Variants in POLR3A observed in about 807,000 individuals in gnomAD.
The protein encoded by POLR3A is DNA-directed RNA polymerase III subunit RPC1.
A neutral mutation model predicts 152.8 loss-of-function variants in POLR3A; 112 were observed. The observed-to-expected ratio is 0.73, with a 90% CI of 0.63 to 0.86. The LOEUF is 0.86. Among genes scored for constraint, POLR3A ranks in the 40% least tolerant of loss-of-function variants. The pLI is 0.00. For missense variants in POLR3A, 1,385 were observed against 1,743.1 expected (o/e 0.79, Z 3.66); for synonymous variants, 615 against 652.1 (o/e 0.94, Z 0.87).
chr10:77,984,168 G>A (rs537653222), intron 25 of POLR3A, 37 bp downstream of exon 25: 1 of 1,393,094 alleles, frequency 7.2e-7, no homozygotes, highest in Non-Finnish European at 1.0e-6. Context: ...ACATTGCTGA[G>A]CTAGTTTTCT....
chr10:78,008,935 T>C (rs889502475), intron 14 of POLR3A, among the ~76,000 whole-genome samples: 3 of 151,280 alleles, frequency 2.0e-5, no homozygotes, highest in African/African-American at 7.3e-5. Context: ...GGCAGATCAC[T>C]TGAGGTCAGG....
rs576637829 is a variant in POLR3A, at chr10:77,975,251, T to G, written c.*2227A>C. The G allele has an allele frequency of 3.3e-5, 5 of 152,336 alleles. No individual in the cohort carries two copies. The highest frequency in any genetic ancestry group is 1.2e-4 in the African/African-American group (5 of 41,566). The allele number at this position is 152,336 out of a possible 1,614,324, so 9.4% of individuals were successfully genotyped here. A position where few individuals can be genotyped will look rare whatever the true frequency, so the allele number is the denominator to read the frequency against. On this transcript the variant is annotated 3_prime_UTR_variant, in exon 31 of 31. Transcript: ENST00000372371. ...CTTGAGGATGTGCTGCTACCTGGCC[T>G]TTGAGCTCTGTGCTGGCATAAAGCC... is the stretch of plus-strand genomic sequence containing the variant.
chr10:78,011,888 T>A (rs904813824), intron 11 of POLR3A, among the ~76,000 whole-genome samples: 5 of 152,198 alleles, frequency 3.3e-5, no homozygotes, highest in African/African-American at 1.2e-4. Context: ...GGAGACTTTG[T>A]TTTATTATTG....
At position 77,977,257 on chromosome 10, in the gene POLR3A, C is replaced by G. The variant is rs939568896; in HGVS notation, c.*221G>C. On this transcript the variant is annotated 3_prime_UTR_variant, in exon 31 of 31. Coordinates refer to ENST00000372371, the MANE Select transcript of POLR3A (RefSeq NM_007055.4). ...GGTTTCAAGCAAGCAAACAATAAAA[C>G]CCTCAGCTCTCCCGAGCAGCGTGGC... The G allele has an allele frequency of 6.9e-6, 4 of 577,070 alleles. No homozygotes were observed. The highest frequency in any genetic ancestry group is 6.0e-5 in the East Asian group (2 of 33,236). The allele number at this position is 577,070 out of a possible 1,614,324, so 35.7% of individuals were successfully genotyped here. A position where few individuals can be genotyped will look rare whatever the true frequency, so the allele number is the denominator to read the frequency against.
chr10:77,987,365 A>T (rs1424501446), intron 21 of POLR3A, among the ~76,000 whole-genome samples: 1 of 151,926 alleles, frequency 6.6e-6, no homozygotes, highest in African/African-American at 2.4e-5. Flanking sequence ...CTTGAATGGC[A>T]CTCTGGCCAA....
intron 8 of POLR3A, among the ~76,000 whole-genome samples, chr10:78,021,073 T>G (rs1366727647): frequency 6.6e-6 from 1 of 152,168 alleles, no homozygotes; most frequent in East Asian, 1.9e-4. Flanking sequence ...CAAGCAATCC[T>G]TCCACCTCAG....
At chr10:78,021,769 G>C (rs1847581797) in intron 7 of POLR3A, 87 bp from the exon 8 acceptor site, 1 of 1,608,530 alleles carries the variant, frequency 6.2e-7, no homozygotes, top group Admixed American at 1.7e-5. Flanking sequence ...AGGAAAGCCT[G>C]TGACCTCCAA....
chr10:78,022,477 T>G, intron 5 of POLR3A, 93 bp from the exon 6 acceptor site: 1 of 1,301,132 alleles, frequency 7.7e-7, no homozygotes, highest in East Asian at 2.3e-5. Flanking sequence ...CTAACCTATC[T>G]GTCACTAAGG....
chr10:78,007,895 C>T (rs893585046), intron 14 of POLR3A, 29 bp from the exon 15 acceptor site: 1 of 1,583,082 alleles, frequency 6.3e-7, no homozygotes, highest in South Asian at 1.1e-5. Context: ...ATTTAGACAA[C>T]AATTATTTAT....
intron 8 of POLR3A, 42 bp downstream of exon 8, chr10:78,021,504 T>C: frequency 6.2e-7 from 1 of 1,609,160 alleles, no homozygotes; most frequent in Non-Finnish European, 8.5e-7. Flanking sequence ...CGTAAAAGAC[T>C]GAATTTAAAA....
At chr10:78,022,416 T>C (rs1307035988) in intron 5 of POLR3A, 32 bp from the exon 6 acceptor site, 1 of 1,609,706 alleles carries the variant, frequency 6.2e-7, no homozygotes, top group East Asian at 2.2e-5. Context: ...GAAATGGAGA[T>C]ACTATGTTAG....
chr10:77,976,823 C>T lies in POLR3A; in HGVS notation c.*655G>A, dbSNP rs2131922598. On this transcript the variant is annotated 3_prime_UTR_variant, in exon 31 of 31. Transcript: ENST00000372371. ...GAAGATGTTACAGAGCTGCCTGGGC[C>T]TCATGACAGTTGCACCTCAGTTACA... is the stretch of plus-strand genomic sequence containing the variant. The T allele has an allele frequency of 6.5e-6, 1 of 154,006 alleles. No homozygotes were observed. The highest frequency in any genetic ancestry group is 2.4e-5 in the African/African-American group (1 of 41,564). 9.5% of individuals were successfully genotyped at this position (154,006 alleles called of 1,614,324 possible).
At chr10:78,010,985 C>T (rs968717240) in intron 11 of POLR3A, among the ~76,000 whole-genome samples, 5 of 152,182 alleles carry the variant, frequency 3.3e-5, no homozygotes, top group Non-Finnish European at 5.9e-5. Flanking sequence ...GCTGGGACTA[C>T]AGGCCCACAT....
In POLR3A at chr10:78,000,997, A is replaced by G; in HGVS notation, c.2457T>C (p.Pro819=). 1 of 1,595,318 alleles carries G rather than the reference A, an allele frequency of 6.3e-7. No homozygotes were observed. Among genetic ancestry groups the G allele is most frequent in the South Asian group, 1.1e-5 (1 of 90,702 alleles). ...VPDGFENRSL[P]HFEKHSKLPA... ...TTACCTTTGAGTGTTTTTCAAAATGAGGCAAGGACCTGTTTTCAAAGCCGT... is the reference window on the plus strand; with the variant it reads ...TTACCTTTGAGTGTTTTTCAAAATGGGGCAAGGACCTGTTTTCAAAGCCGT... The change falls in exon 18 of 31, where the codon CCT becomes CCC. Residue 819 remains proline, a synonymous_variant. Coordinates refer to ENST00000372371, the MANE Select transcript of POLR3A (RefSeq NM_007055.4).
chr10:77,999,918 T>C (rs1355724647), intron 19 of POLR3A, 63 bp downstream of exon 19: 16 of 1,520,640 alleles, frequency 1.1e-5, no homozygotes, highest in Admixed American at 5.0e-5. Flanking sequence ...GTGTACTCAA[T>C]AGTCAAAACC....
At position 77,982,299 on chromosome 10, in the gene POLR3A, G is replaced by C. The variant is rs781754906; in HGVS notation, c.3614C>G (p.Pro1205Arg). 2 of 1,613,920 alleles carry C rather than the reference G, an allele frequency of 1.2e-6. No homozygotes were observed. Among genetic ancestry groups the C allele is most frequent in the African/African-American group, 2.7e-5 (2 of 74,886 alleles). ...GTGGATGACAGCTCTGGACACCTCT[G>C]GAATGCCCTGCACCACCACCTGGAT... The part of the protein sequence containing the change: ...DLPKVVVQGI[P>R]EVSRAVIHID... The change falls in exon 28 of 31, where the codon CCA becomes CGA. Residue 1205 changes from proline to arginine, a missense_variant. By Grantham distance (103) the Pro-to-Arg change is moderately radical. Transcript: ENST00000372371.
chr10:77,986,174 A>G lies in POLR3A; in HGVS notation c.2902-15T>C, dbSNP rs759572063. On this transcript the variant is annotated splice_polypyrimidine_tract_variant and intron_variant, in intron 21 of 30. Transcript: ENST00000372371. Reference sequence around the variant, plus strand: ...TTTTTTATTTCCTGAAAGATTACACAGCAAACATCATTTGTAAGTTTCACA... The same window carrying G: ...TTTTTTATTTCCTGAAAGATTACACGGCAAACATCATTTGTAAGTTTCACA... 1 of 1,189,498 alleles carries G rather than the reference A, an allele frequency of 8.4e-7. No homozygotes were observed. Among genetic ancestry groups the G allele is most frequent in the Non-Finnish European group, 1.3e-6 (1 of 792,148 alleles). 73.7% of individuals were successfully genotyped at this position (1,189,498 alleles called of 1,614,324 possible). A position where few individuals can be genotyped will look rare whatever the true frequency, so the allele number is the denominator to read the frequency against.
intron 10 of POLR3A, among the ~76,000 whole-genome samples, chr10:78,016,258 T>A (rs1197939152): frequency 6.6e-6 from 1 of 152,084 alleles, no homozygotes. Context: ...TTAGTTAATA[T>A]GCAAAGTTAA....
At chr10:77,995,277 C>T (rs995147295) in intron 19 of POLR3A, among the ~76,000 whole-genome samples, 1 of 152,192 alleles carries the variant, frequency 6.6e-6, no homozygotes, top group East Asian at 1.9e-4. Context: ...AACCAGCTAA[C>T]ATCATAATGA....
Sources: allele counts gnomAD v4.1 joint callset (sites outside exome capture counted in the v4.1 genomes callset), GRCh38; gene constraint gnomAD v4.1.1; transcripts MANE v1.5; gene names NCBI Gene and HGNC (gene_info 2026-07-23, HGNC 2026-07-21).